SCIN: variants seen among roughly 807,000 people sequenced by gnomAD.
The protein encoded by SCIN is adseverin.
Under a neutral mutation model 91.8 loss-of-function variants are expected in SCIN, and 91 were observed. The ratio of observed to expected loss-of-function variants is 0.99; its 90% CI spans 0.84 to 1.18. The LOEUF is 1.18. Among genes scored for constraint, SCIN ranks in the 50% most tolerant of loss-of-function variants. The pLI is 0.00. For synonymous variants in SCIN, 367 were observed against 312.6 expected, an observed-to-expected ratio of 1.17 and a Z score of -1.84; for missense variants, 1,087 against 863.9, an observed-to-expected ratio of 1.26 and a Z score of -3.24.
intron 13 of SCIN, among the ~76,000 whole-genome samples, chr7:12,646,050 A>G (rs1265017559): frequency 6.6e-6 from 1 of 152,256 alleles, no homozygotes; most frequent in Admixed American, 6.5e-5. Flanking sequence ...TTATGGAAAT[A>G]TTATGATCAT....
intron 13 of SCIN, among the ~76,000 whole-genome samples, chr7:12,647,805 A>G (rs979016665): frequency 1.3e-5 from 2 of 152,212 alleles, no homozygotes; most frequent in Non-Finnish European, 2.9e-5. Flanking sequence ...ATGAATTGTC[A>G]TGCTCAGATG....
At chr7:12,628,572 C>T (rs1450615863) in intron 8 of SCIN, among the ~76,000 whole-genome samples, 3 of 152,160 alleles carry the variant, frequency 2.0e-5, no homozygotes, top group African/African-American at 7.2e-5. Flanking sequence ...CTCCTAATAC[C>T]ATCACACTGG....
intron 4 of SCIN, among the ~76,000 whole-genome samples, chr7:12,604,967 T>C (rs2115250621): frequency 6.6e-6 from 1 of 152,242 alleles, no homozygotes; most frequent in African/African-American, 2.4e-5. Context: ...AAATTGACCG[T>C]AAGAATGTAT....
At chr7:12,594,063 C>CA (rs1408677777) in intron 3 of SCIN, among the ~76,000 whole-genome samples, 1 of 152,188 alleles carries the variant, frequency 6.6e-6, no homozygotes, top group East Asian at 1.9e-4. Context: ...ACGATCCCCT[C>CA]AACTCCCGCT....
At chr7:12,625,533 G>C (rs6955456) in intron 6 of SCIN, among the ~76,000 whole-genome samples, 5,652 of 147,572 alleles carry the variant, frequency 0.038, 363 homozygotes, top group African/African-American at 0.13. Context: ...CTTTCACCGT[G>C]TTAGCCAGGA....
chr7:12,571,344 GC>G, intron 1 of SCIN: 1 of 365,196 alleles, frequency 2.7e-6, no homozygotes, highest in South Asian at 2.7e-5. Context: ...CTCTGGCCAA[GC>G]CCCGCTCACC....
At chr7:12,572,899 C>G (rs961799713) in intron 1 of SCIN, among the ~76,000 whole-genome samples, 12 of 152,074 alleles carry the variant, frequency 7.9e-5, no homozygotes, top group Non-Finnish European at 2.9e-5. Context: ...AAAAGTTCAT[C>G]ACCTCAAAGG....
chr7:12,601,739 T>G (rs571575569), intron 3 of SCIN, among the ~76,000 whole-genome samples: 2 of 152,256 alleles, frequency 1.3e-5, no homozygotes, highest in Non-Finnish European at 2.9e-5. Context: ...CTCTTAAAAC[T>G]GTTTATCATT....
At chr7:12,615,970 CA>C (rs1421200138) in intron 4 of SCIN, among the ~76,000 whole-genome samples, 1 of 151,952 alleles carries the variant, frequency 6.6e-6, no homozygotes, top group Non-Finnish European at 1.5e-5. Flanking sequence ...TAAAATTAAA[CA>C]AGTTCATATA....
intron 7 of SCIN, chr7:12,626,184 T>C (rs1562622716): frequency 9.5e-6 from 3 of 315,504 alleles, no homozygotes; most frequent in South Asian, 5.7e-5. Context: ...GAAACCCAGA[T>C]GATATTTGTC....
chr7:12,578,622 A>G (rs916377978), intron 2 of SCIN, among the ~76,000 whole-genome samples: 1 of 152,082 alleles, frequency 6.6e-6, no homozygotes, highest in African/African-American at 2.4e-5. Flanking sequence ...TAAGCCTTCA[A>G]AATCTCAGTT....
At chr7:12,580,982 G>A (rs1782475584) in intron 2 of SCIN, 78 bp from the exon 3 acceptor site, 1 of 1,428,570 alleles carries the variant, frequency 7.0e-7, no homozygotes, top group East Asian at 2.5e-5. Context: ...CAGTATTATT[G>A]TGCTTTGCTT....
intron 3 of SCIN, among the ~76,000 whole-genome samples, chr7:12,588,598 T>C (rs2115224128): frequency 6.6e-6 from 1 of 151,878 alleles, no homozygotes. Context: ...GGGTTGTTTG[T>C]TGGTTAACCT....
At chr7:12,600,773 G>C (rs1019701693) in intron 3 of SCIN, among the ~76,000 whole-genome samples, 20 of 152,144 alleles carry the variant, frequency 1.3e-4, no homozygotes, top group African/African-American at 4.8e-4. Context: ...AATAAACACA[G>C]CTGCCCAGAA....
chr7:12,614,081 G>C (rs1175281443), intron 4 of SCIN, among the ~76,000 whole-genome samples: 1 of 152,132 alleles, frequency 6.6e-6, no homozygotes, highest in African/African-American at 2.4e-5. Flanking sequence ...CAAATATATT[G>C]ATTAAAAACA....
At chr7:12,588,744 T>G (rs73293093) in intron 3 of SCIN, among the ~76,000 whole-genome samples, 2 of 144,712 alleles carry the variant, frequency 1.4e-5, no homozygotes, top group Non-Finnish European at 3.0e-5. Context: ...CTTGCTGTAG[T>G]GCCTAGATAA....
intron 3 of SCIN, among the ~76,000 whole-genome samples, chr7:12,597,125 A>G (rs1403044734): frequency 6.6e-6 from 1 of 152,230 alleles, no homozygotes; most frequent in East Asian, 1.9e-4. Flanking sequence ...TGAGGAGACA[A>G]CAAAATAGAT....
intron 9 of SCIN, among the ~76,000 whole-genome samples, chr7:12,631,354 G>A (rs922747534): frequency 6.6e-6 from 1 of 152,258 alleles, no homozygotes; most frequent in East Asian, 1.9e-4. Context: ...CAATATAAAG[G>A]ATTTTATGTA....
intron 1 of SCIN, among the ~76,000 whole-genome samples, chr7:12,573,320 C>A (rs74495219): frequency 0.033 from 4,968 of 152,040 alleles, 128 homozygotes; most frequent in Non-Finnish European, 0.05. Context: ...TAAAGTTAAA[C>A]TGAGATGAAA....
Sources: allele counts gnomAD v4.1 joint callset (sites outside exome capture counted in the v4.1 genomes callset), GRCh38; gene constraint gnomAD v4.1.1; transcripts MANE v1.5; gene names NCBI Gene and HGNC (gene_info 2026-07-23, HGNC 2026-07-21).